Variants in LMNA observed in about 807,000 individuals in gnomAD.
LMNA encodes lamin.
A neutral mutation model predicts 70.4 loss-of-function variants in LMNA; 20 were observed. That is an observed-to-expected ratio of 0.28 (90% CI 0.20 to 0.41). LMNA has a LOEUF of 0.41. Ranked by LOEUF, LMNA falls within the 10% of genes least tolerant of loss-of-function variation. The probability of loss-of-function intolerance (pLI) is 1.00; values close to 1 mark genes in which losing one functional copy is unlikely to be tolerated. For synonymous variants in LMNA, 339 were observed against 372.8 expected, an observed-to-expected ratio of 0.91 and a Z score of 1.04; for missense variants, 652 against 917.2, an observed-to-expected ratio of 0.71 and a Z score of 3.73.
At chr1:156,121,386 TG>T (rs1558119875) in intron 1 of LMNA, among the ~76,000 whole-genome samples, 1 of 151,998 alleles carries the variant, frequency 6.6e-6, no homozygotes, top group Non-Finnish European at 1.5e-5. Flanking sequence ...CAGCTAAACC[TG>T]GGGGGTGAGA....
chr1:156,134,520 T>A lies in LMNA; in HGVS notation c.631T>A (p.Tyr211Asn), dbSNP rs1651356208. The A allele has an allele frequency of 1.9e-6, 3 of 1,613,916 alleles. No homozygotes were observed. Among genetic ancestry groups the A allele is most frequent in the Non-Finnish European group, 2.5e-6 (3 of 1,180,060 alleles). The change falls in exon 3 of 12, where the codon TAC becomes AAC. Residue 211 changes from tyrosine (Y) to asparagine (N), a missense_variant. Coordinates refer to ENST00000368300, the MANE Select transcript of LMNA (RefSeq NM_170707.4). This position sits in a 1 kb window ranked among gnomAD's most constrained non-coding sequence, Gnocchi z 5.3. Reference protein sequence around the residue: ...KEELDFQKNIYSEELRETKRR... With the variant: ...KEELDFQKNINSEELRETKRR... ...GGAACTGGACTTCCAGAAGAACATCTACAGTGAGGTGGGGACTGTGCTTTG... is the reference window on the plus strand; with the variant it reads ...GGAACTGGACTTCCAGAAGAACATCAACAGTGAGGTGGGGACTGTGCTTTG...
intron 3 of LMNA, among the ~76,000 whole-genome samples, chr1:156,108,500 G>T (rs73004968): frequency 1.3e-3 from 200 of 152,260 alleles, no homozygotes; most frequent in African/African-American, 4.7e-3. Context: ...CTGGCTGGGC[G>T]TGGTGGCTCA....
intron 3 of LMNA, among the ~76,000 whole-genome samples, chr1:156,108,143 T>C (rs1649417843): frequency 6.6e-6 from 1 of 152,138 alleles, no homozygotes; most frequent in African/African-American, 2.4e-5. Context: ...TTAAATGGGA[T>C]CACCTCCATA....
At chr1:156,126,499 A>C in intron 1 of LMNA, 2 of 668,614 alleles carry the variant, frequency 3.0e-6, no homozygotes. Flanking sequence ...AGGGTGGGTC[A>C]GCGCCTGGCC....
chr1:156,085,858 C>G (rs972762988), intron 2 of LMNA, among the ~76,000 whole-genome samples: 2 of 152,146 alleles, frequency 1.3e-5, no homozygotes, highest in Non-Finnish European at 1.5e-5. Flanking sequence ...GAGTTCCAGA[C>G]CAGCCTGGGC....
chr1:156,125,817 C>T (rs1401323530), intron 1 of LMNA, among the ~76,000 whole-genome samples: 2 of 151,672 alleles, frequency 1.3e-5, no homozygotes. Context: ...GGCAAAACTC[C>T]GTCTCTACTA....
At chr1:156,092,890 C>CTTTTTTT (rs568056544) in intron 3 of LMNA, among the ~76,000 whole-genome samples, 1 of 135,650 alleles carries the variant, frequency 7.4e-6, no homozygotes, top group Non-Finnish European at 1.6e-5. Flanking sequence ...TTCTTTTTTT[C>CTTTTTTT]TTTTTTTTTT....
chr1:156,137,753 A>G lies in LMNA; in HGVS notation c.1698+10A>G. On this transcript the variant is annotated intron_variant, in intron 10 of 11. Transcript: ENST00000368300. The surrounding 1 kb of genome is among the most constrained non-coding windows in gnomAD (Gnocchi z 4.6). The stretch of plus-strand genomic sequence containing the variant: ...GCTCCATCACCACCACGTGAGTGGT[A>G]GCCGCCGCTGAGGCCGAGCCTGCAC... The G allele has an allele frequency of 6.5e-7, 1 of 1,547,534 alleles. No homozygotes were observed. The highest frequency in any genetic ancestry group is 8.7e-7 in the Non-Finnish European group (1 of 1,146,922).
In LMNA at chr1:156,136,127, C is replaced by T; in HGVS notation, c.1157+6C>T. On this transcript the variant is annotated splice_donor_region_variant and intron_variant, in intron 6 of 11. Coordinates refer to ENST00000368300, the MANE Select transcript of LMNA (RefSeq NM_170707.4). The surrounding 1 kb of genome is among the most constrained non-coding windows in gnomAD (Gnocchi z 6.1). ...TTGGAGGGCGAGGAGGAGAGGTGGG[C>T]TGGGGAGACGTCGGGGAGGTGCTGG... 1 of 1,613,918 alleles carries T rather than the reference C, an allele frequency of 6.2e-7. No homozygotes were observed. Among genetic ancestry groups the T allele is most frequent in the Non-Finnish European group, 8.5e-7 (1 of 1,180,006 alleles).
chr1:156,088,535 T>G (rs1648570782), intron 2 of LMNA, among the ~76,000 whole-genome samples: 1 of 152,158 alleles, frequency 6.6e-6, no homozygotes, highest in South Asian at 2.1e-4. Flanking sequence ...TAGAGCACGG[T>G]GGCTCCTGCC....
rs113207741 is a variant in LMNA, at chr1:156,097,952, C to CGTGT, written c.-207+7384_-207+7387dup. Among the ~76,000 whole-genome samples, 33 of 151,126 alleles carry CGTGT rather than the reference C, an allele frequency of 2.2e-4. 1 individual carries two copies. The South Asian group carries it at 5.6e-3, about 26-fold the overall frequency. ...AGGGGTGCGTGTGCGTGTGTGCGTG[C>CGTGT]GTGTGTGTGTGTGTGTGATCATCAT... On this transcript the variant is annotated intron_variant, in intron 3 of 12. Coordinates refer to the LMNA transcript ENST00000368301.
chr1:156,132,325 C>T (rs1651146996), intron 2 of LMNA, among the ~76,000 whole-genome samples: 1 of 151,934 alleles, frequency 6.6e-6, no homozygotes, highest in African/African-American at 2.4e-5. Flanking sequence ...CAAAAATTAG[C>T]TAGGCATGGT....
At chr1:156,098,538 C>T (rs1470175297) in intron 3 of LMNA, among the ~76,000 whole-genome samples, 2 of 152,182 alleles carry the variant, frequency 1.3e-5, no homozygotes, top group Non-Finnish European at 2.9e-5. Context: ...GAGGTGAGAT[C>T]ATGGGAAAGA....
chr1:156,128,467 C>T (rs1171659613), intron 1 of LMNA, among the ~76,000 whole-genome samples: 3 of 152,182 alleles, frequency 2.0e-5, no homozygotes, highest in Non-Finnish European at 2.9e-5. Context: ...GGAAAAGGTG[C>T]CCTTGAGACA....
chr1:156,100,618 G>A (rs771806168), intron 3 of LMNA, among the ~76,000 whole-genome samples: 26 of 152,158 alleles, frequency 1.7e-4, no homozygotes, highest in Non-Finnish European at 3.5e-4. Flanking sequence ...CAGTGAAGGT[G>A]GGGCCTGCAG....
chr1:156,117,427 G>T (rs975041698), intron 1 of LMNA, among the ~76,000 whole-genome samples: 1 of 151,704 alleles, frequency 6.6e-6, no homozygotes, highest in Non-Finnish European at 1.5e-5. Context: ...TAGAGACGGG[G>T]TTTCACCATG....
chr1:156,130,337 A>T (rs1487596804), intron 1 of LMNA, among the ~76,000 whole-genome samples: 1 of 152,136 alleles, frequency 6.6e-6, no homozygotes, highest in Admixed American at 6.5e-5. Flanking sequence ...AAAAGCATTC[A>T]TATCACGGGG....
chr1:156,119,924 C>G (rs2102831473), intron 1 of LMNA, among the ~76,000 whole-genome samples: 1 of 152,302 alleles, frequency 6.6e-6, no homozygotes, highest in Non-Finnish European at 1.5e-5. Context: ...TCTCTCTGGA[C>G]AGGTAACATG....
intron 3 of LMNA, among the ~76,000 whole-genome samples, chr1:156,095,609 G>A (rs1189457980): frequency 3.3e-5 from 5 of 150,686 alleles, no homozygotes; most frequent in Non-Finnish European, 7.4e-5. Flanking sequence ...CACCCGCCTC[G>A]GCCTCTCAAA....
Sources: gnomAD v4.1 joint callset for allele counts (sites outside exome capture counted in the v4.1 genomes callset) on GRCh38, gnomAD v4.1.1 for gene constraint, Gnocchi (gnomAD v3.1) non-coding constraint, MANE v1.5 for transcripts, NCBI Gene and HGNC (gene_info 2026-07-23, HGNC 2026-07-21) for gene names.